GJB4: variants seen among roughly 807,000 people sequenced by gnomAD.
GJB4 encodes the protein gap junction protein beta 4, also known as gap junction beta-4 protein.
For synonymous variants in GJB4, 162 were observed against 158.1 expected (o/e 1.02, Z -0.18); for missense variants, 371 against 363.8 (o/e 1.02, Z -0.16).
rs890084306 is a variant in GJB4, at chr1:34,761,083, T to C, written c.-172T>C. 1.1e-4 allele frequency: 74 copies of C among 680,682 alleles called. 1 individual carries two copies. Among genetic ancestry groups the C allele is most frequent in the African/African-American group, 9.0e-4 (51 of 56,940 alleles). 42.2% of individuals were successfully genotyped at this position (680,682 alleles called of 1,614,324 possible). A position where few individuals can be genotyped will look rare whatever the true frequency, so the allele number is the denominator to read the frequency against. Reference sequence around the variant, plus strand: ...GGGCAATCCCTACCCTACCAAGTCATTGGGAGTGAAGACATGATGACACGG... The same window carrying C: ...GGGCAATCCCTACCCTACCAAGTCACTGGGAGTGAAGACATGATGACACGG... On this transcript the variant is annotated 5_prime_UTR_variant, in exon 2 of 2. Transcript: ENST00000339480. The surrounding 1 kb of genome is among the most constrained non-coding windows in gnomAD (Gnocchi z 4.4).
At position 34,761,735 on chromosome 1, in the gene GJB4, G is replaced by T. The variant is rs566099103; in HGVS notation, c.481G>T (p.Val161Leu). 1.2e-6 allele frequency: 2 copies of T among 1,614,136 alleles called. No individual in the cohort carries two copies. The highest frequency in any genetic ancestry group is 1.7e-5 in the Admixed American group (1 of 60,028). ...RLYKDYDMPR[V>L]VACSVEPCPH... ...CTACAAGGATTATGACATGCCCCGC[G>T]TGGTGGCCTGCTCCGTGGAGCCTTG... Residue 161 changes from valine (V) to leucine (L), a missense_variant, in exon 2 of 2, where the codon GTG becomes TTG. Physicochemically the swap from Val to Leu is conservative, Grantham distance 32 (BLOSUM62 1). Coordinates refer to ENST00000339480, the MANE Select transcript of GJB4 (RefSeq NM_153212.3). This position sits in a 1 kb window ranked among gnomAD's most constrained non-coding sequence, Gnocchi z 4.4.
At chr1:34,760,231 G>C (rs991191976) in intron 1 of GJB4, among the ~76,000 whole-genome samples, 2 of 152,162 alleles carry the variant, frequency 1.3e-5, no homozygotes, top group Non-Finnish European at 2.9e-5. Flanking sequence ...TCAGGGATTG[G>C]GGATGGGGAA....
In GJB4 at chr1:34,761,566, G is replaced by A. The variant is rs200609512; in HGVS notation, c.312G>A (p.Lys104=). The change falls in exon 2 of 2, where the codon AAG becomes AAA. Residue 104 remains lysine (K), a synonymous_variant. Coordinates refer to ENST00000339480, the MANE Select transcript of GJB4 (RefSeq NM_153212.3). This position sits in a 1 kb window ranked among gnomAD's most constrained non-coding sequence, Gnocchi z 4.4. The stretch of plus-strand genomic sequence containing the variant: ...CCTACCGCGAGGAACGCGAGCGCAA[G>A]CACCACCTGAAACACGGGCCCAATG... The part of the protein sequence containing the change: ...HVAYREERER[K]HHLKHGPNAP... The A allele has an allele frequency of 1.2e-5, 19 of 1,614,218 alleles. No individual in the cohort carries two copies. The highest frequency in any genetic ancestry group is 1.6e-5 in the Non-Finnish European group (19 of 1,180,044).
chr1:34,760,355 T>G (rs1275062766), intron 1 of GJB4, among the ~76,000 whole-genome samples: 1 of 151,808 alleles, frequency 6.6e-6, no homozygotes, highest in African/African-American at 2.4e-5. Context: ...ATAATGGAAA[T>G]GCGGCTAGCA....
In GJB4 at chr1:34,761,716, G is replaced by A; in HGVS notation, c.462G>A (p.Lys154=). 6.2e-7 allele frequency: 1 copy of A among 1,614,124 alleles called. No individual in the cohort carries two copies. The highest frequency in any genetic ancestry group is 8.5e-7 in the Non-Finnish European group (1 of 1,180,020). The change falls in exon 2 of 2, where the codon AAG becomes AAA. Residue 154 remains lysine (K), a synonymous_variant. Transcript: ENST00000339480. The surrounding 1 kb of genome is among the most constrained non-coding windows in gnomAD (Gnocchi z 4.4). ...GFLYIFHRLY[K]DYDMPRVVAC... Reference sequence around the variant, plus strand: ...TCTATATCTTCCACCGCCTCTACAAGGATTATGACATGCCCCGCGTGGTGG... The same window carrying A: ...TCTATATCTTCCACCGCCTCTACAAAGATTATGACATGCCCCGCGTGGTGG...
chr1:34,761,066 C>G lies in GJB4; in HGVS notation c.-189C>G, dbSNP rs768717178. 102 of 656,598 alleles carry G rather than the reference C, an allele frequency of 1.6e-4. No homozygotes were observed. Among genetic ancestry groups the G allele is most frequent in the Non-Finnish European group, 2.5e-4 (90 of 362,064 alleles). 40.7% of individuals were successfully genotyped at this position (656,598 alleles called of 1,614,324 possible). ...TTGTGAAATGAGGACAGGGGCAATCCCTACCCTACCAAGTCATTGGGAGTG... is the reference window on the plus strand; with the variant it reads ...TTGTGAAATGAGGACAGGGGCAATCGCTACCCTACCAAGTCATTGGGAGTG... On this transcript the variant is annotated 5_prime_UTR_variant, in exon 2 of 2. Coordinates refer to ENST00000339480, the MANE Select transcript of GJB4 (RefSeq NM_153212.3). This position sits in a 1 kb window ranked among gnomAD's most constrained non-coding sequence, Gnocchi z 4.4.
In GJB4 at chr1:34,761,583, G is replaced by A; in HGVS notation, c.329G>A (p.Gly110Glu). The change falls in exon 2 of 2, where the codon GGG becomes GAG. Residue 110 changes from glycine to glutamate, a missense_variant. Gly to Glu is a moderately conservative substitution (Grantham distance 98). Coordinates refer to ENST00000339480, the MANE Select transcript of GJB4 (RefSeq NM_153212.3). This position sits in a 1 kb window ranked among gnomAD's most constrained non-coding sequence, Gnocchi z 4.4. The stretch of plus-strand genomic sequence containing the variant: ...GAGCGCAAGCACCACCTGAAACACG[G>A]GCCCAATGCCCCGTCCCTGTACGAC... The part of the protein sequence containing the change: ...ERERKHHLKH[G>E]PNAPSLYDNL... 4 of 1,614,236 alleles carry A rather than the reference G, an allele frequency of 2.5e-6. No individual in the cohort carries two copies. Among genetic ancestry groups the A allele is most frequent in the Non-Finnish European group, 2.5e-6 (3 of 1,180,040 alleles).
chr1:34,760,250 G>T (rs1319320570), intron 1 of GJB4, among the ~76,000 whole-genome samples: 1 of 151,968 alleles, frequency 6.6e-6, no homozygotes, highest in Non-Finnish European at 1.5e-5. Context: ...AAGGAGGAGG[G>T]TAGGAGGAGG....
Position 34,761,650 on chromosome 1 carries a change from G to A in GJB4, c.396G>A (p.Leu132=), listed in dbSNP as rs1322926216. The change falls in exon 2 of 2, where the codon TTG becomes TTA. Residue 132 remains leucine, a synonymous_variant. Transcript: ENST00000339480. The surrounding 1 kb of genome is among the most constrained non-coding windows in gnomAD (Gnocchi z 4.4). ...GGGGCGGACTGTGGTGGACGTACTT[G>A]CTGAGCCTCATCTTCAAGGCCGCCG... The part of the protein sequence containing the change: ...KKRGGLWWTY[L]LSLIFKAAVD... 1 of 1,614,230 alleles carries A rather than the reference G, an allele frequency of 6.2e-7. No individual in the cohort carries two copies. The highest frequency in any genetic ancestry group is 2.2e-5 in the East Asian group (1 of 44,880).
rs1639717954 is a variant in GJB4 at position 34,761,635 on chromosome 1, GT to G, written c.382del (p.Trp128GlyfsTer6). The stretch of plus-strand genomic sequence containing the variant: ...ACCTGAGCAAGAAGCGGGGCGGACT[GT>G]GGTGGACGTACTTGCTGAGCCTCAT... ...DNLSKKRGGL[W>X]WTYLLSLIFK... is the part of the protein sequence containing the mutation. On this transcript the variant is annotated frameshift_variant, in exon 2 of 2. Transcript: ENST00000339480. LOFTEE classifies it low-confidence loss of function (END_TRUNC). This position sits in a 1 kb window ranked among gnomAD's most constrained non-coding sequence, Gnocchi z 4.4. 6.2e-7 allele frequency: 1 copy of G among 1,614,214 alleles called. No individual in the cohort carries two copies.
chr1:34,762,169 G>A lies in GJB4; in HGVS notation c.*114G>A, dbSNP rs1381210902. ...GCAGGGTGGTGAGGAGGGTGGCTGT[G>A]GGGGCTCAGGAAGCTCGCCCAGGGG... On this transcript the variant is annotated 3_prime_UTR_variant, in exon 2 of 2. Coordinates refer to ENST00000339480, the MANE Select transcript of GJB4 (RefSeq NM_153212.3). 1.8e-6 allele frequency: 2 copies of A among 1,113,874 alleles called. No homozygotes were observed. Among genetic ancestry groups the A allele is most frequent in the East Asian group, 5.2e-5 (2 of 38,760 alleles). 69.0% of individuals were successfully genotyped at this position (1,113,874 alleles called of 1,614,324 possible).
chr1:34,760,629 G>A (rs564589925), intron 1 of GJB4, among the ~76,000 whole-genome samples: 28 of 152,332 alleles, frequency 1.8e-4, no homozygotes, highest in Middle Eastern at 6.8e-3. Flanking sequence ...CCTGGAGCCA[G>A]AGGCAAGGAG....
chr1:34,760,173 T>G (rs552401060), intron 1 of GJB4, among the ~76,000 whole-genome samples: 3 of 152,006 alleles, frequency 2.0e-5, no homozygotes, highest in African/African-American at 7.2e-5. Flanking sequence ...TGCCTCTTGC[T>G]CTGAAAGTGT....
rs1571569214 is a variant in GJB4, at chr1:34,762,184, T to C, written c.*129T>C. 2.1e-6 allele frequency: 2 copies of C among 941,840 alleles called. No homozygotes were observed. Among genetic ancestry groups the C allele is most frequent in the Admixed American group, 4.0e-5 (2 of 49,712 alleles). The allele number at this position is 941,840 out of a possible 1,614,324, so 58.3% of individuals were successfully genotyped here. On this transcript the variant is annotated 3_prime_UTR_variant, in exon 2 of 2. Coordinates refer to ENST00000339480, the MANE Select transcript of GJB4 (RefSeq NM_153212.3). The stretch of plus-strand genomic sequence containing the variant: ...GGGTGGCTGTGGGGGCTCAGGAAGC[T>C]CGCCCAGGGGCCAATGTGGGAGGTT...
chr1:34,761,756 C>G lies in GJB4; in HGVS notation c.502C>G (p.Pro168Ala), dbSNP rs770506626. Residue 168 changes from proline (P) to alanine (A), a missense_variant, in exon 2 of 2, where the codon CCT becomes GCT. Coordinates refer to ENST00000339480, the MANE Select transcript of GJB4 (RefSeq NM_153212.3). The surrounding 1 kb of genome is among the most constrained non-coding windows in gnomAD (Gnocchi z 4.4). ...CCGCGTGGTGGCCTGCTCCGTGGAG[C>G]CTTGCCCCCACACTGTGGACTGTTA... The part of the protein sequence containing the change: ...MPRVVACSVE[P>A]CPHTVDCYIS... The G allele has an allele frequency of 6.2e-7, 1 of 1,614,116 alleles. No homozygotes were observed.
Position 34,762,153 on chromosome 1 carries a change from TGAG to T in GJB4, c.*103_*105del. 7.9e-7 allele frequency: 1 copy of T among 1,259,090 alleles called. No homozygotes were observed. Among genetic ancestry groups the T allele is most frequent in the Non-Finnish European group, 1.1e-6 (1 of 883,242 alleles). The allele number at this position is 1,259,090 out of a possible 1,614,324, so 78.0% of individuals were successfully genotyped here. ...TGGCATCCTTGCCGTAGCAGGGTGG[TGAG>T]GAGGGTGGCTGTGGGGGCTCAGGAA... On this transcript the variant is annotated 3_prime_UTR_variant, in exon 2 of 2. Coordinates refer to ENST00000339480, the MANE Select transcript of GJB4 (RefSeq NM_153212.3).
chr1:34,762,101 G>A lies in GJB4; in HGVS notation c.*46G>A. On this transcript the variant is annotated 3_prime_UTR_variant, in exon 2 of 2. Transcript: ENST00000339480. ...GATCAACAGGTCCCCCCCACATGAG[G>A]CCACCCAGGAAAAAAGGCAGGGGCA... 1 of 1,541,564 alleles carries A rather than the reference G, an allele frequency of 6.5e-7. No individual in the cohort carries two copies. The highest frequency in any genetic ancestry group is 2.4e-5 in the East Asian group (1 of 41,822).
chr1:34,761,350 T>G lies in GJB4; in HGVS notation c.96T>G (p.Arg32=). The G allele has an allele frequency of 6.2e-7, 1 of 1,614,064 alleles. No individual in the cohort carries two copies. Among genetic ancestry groups the G allele is most frequent in the Non-Finnish European group, 8.5e-7 (1 of 1,179,888 alleles). Residue 32 remains arginine (R), a synonymous_variant, in exon 2 of 2, where the codon CGT becomes CGG. Transcript: ENST00000339480. The surrounding 1 kb of genome is among the most constrained non-coding windows in gnomAD (Gnocchi z 4.4). The part of the protein sequence containing the change: ...RIWLSVVFIF[R]VLVYVVAAEE... ...GGCTGTCTGTGGTGTTCATCTTTCG[T>G]GTGCTGGTGTACGTGGTGGCAGCGG...
rs1179583017 is a variant in GJB4 at position 34,761,992 on chromosome 1, G to T, written c.738G>T (p.Glu246Asp). 9 of 1,614,194 alleles carry T rather than the reference G, an allele frequency of 5.6e-6. No homozygotes were observed. Among genetic ancestry groups the T allele is most frequent in the Non-Finnish European group, 7.6e-6 (9 of 1,180,012 alleles). The change falls in exon 2 of 2, where the codon GAG becomes GAT. Residue 246 changes from glutamate (E) to aspartate (D), a missense_variant. Glu to Asp is a conservative substitution (Grantham distance 45, BLOSUM62 2). Transcript: ENST00000339480. The surrounding 1 kb of genome is among the most constrained non-coding windows in gnomAD (Gnocchi z 4.4). ...PYVLSQGGHPEDGNSVLMKAG... is the reference protein window; with the variant it reads ...PYVLSQGGHPDDGNSVLMKAG... ...TCCTCTCCCAGGGAGGGCACCCTGA[G>T]GATGGGAACTCTGTCCTAATGAAGG...
Sources: allele counts gnomAD v4.1 joint callset (sites outside exome capture counted in the v4.1 genomes callset), GRCh38; gene constraint gnomAD v4.1.1; non-coding constraint Gnocchi (gnomAD v3.1); transcripts MANE v1.5; gene names NCBI Gene and HGNC (gene_info 2026-07-23, HGNC 2026-07-21).